Variants in HSD17B2 observed in about 807,000 individuals in gnomAD.
The protein encoded by HSD17B2 is 17-beta-hydroxysteroid dehydrogenase type 2.
HSD17B2 carries 32 observed loss-of-function variants against 26.9 expected under a neutral mutation model. The observed-to-expected ratio is 1.19, with a 90% CI of 0.90 to 1.60. HSD17B2 has a LOEUF of 1.60. HSD17B2 is among the 40% of genes most tolerant of loss of function. The pLI is 0.00. For synonymous variants in HSD17B2, 246 were observed against 186.7 expected (o/e 1.32, Z -2.59); for missense variants, 613 against 468.6 (o/e 1.31, Z -2.85).
intron 1 of HSD17B2, among the ~76,000 whole-genome samples, chr16:82,037,487 A>G (rs939745781): frequency 6.6e-6 from 1 of 152,218 alleles, no homozygotes; most frequent in Admixed American, 6.5e-5. Context: ...GTGGGGCAGG[A>G]CCAAAGAAAA....
At chr16:82,095,609 G>A (rs1210556838) in intron 4 of HSD17B2, 5 of 152,202 alleles carry the variant, frequency 3.3e-5, no homozygotes, top group Admixed American at 6.5e-5. Context: ...AAGTAAAAAC[G>A]AATAGGTGGT....
At chr16:82,062,761 G>A (rs1914475305) in intron 1 of HSD17B2, among the ~76,000 whole-genome samples, 1 of 152,240 alleles carries the variant, frequency 6.6e-6, no homozygotes, top group Non-Finnish European at 1.5e-5. Context: ...AAACACCACT[G>A]TTGGGTAACT....
intron 1 of HSD17B2, among the ~76,000 whole-genome samples, chr16:82,043,971 A>T (rs531729524): frequency 2.7e-4 from 41 of 152,312 alleles, no homozygotes; most frequent in Admixed American, 9.2e-4. Flanking sequence ...ATTATTTTGC[A>T]TGATTGCCCT....
At chr16:82,068,754 C>T (rs1013735773) in intron 2 of HSD17B2, among the ~76,000 whole-genome samples, 2 of 152,058 alleles carry the variant, frequency 1.3e-5, no homozygotes, top group Non-Finnish European at 2.9e-5. Context: ...TTACCCATTA[C>T]CCTTCCTCTT....
intron 1 of HSD17B2, among the ~76,000 whole-genome samples, chr16:82,058,770 T>C (rs1007531005): frequency 2.0e-5 from 3 of 152,152 alleles, no homozygotes; most frequent in African/African-American, 7.2e-5. Context: ...TAAGTTATGT[T>C]CCTATTAAAA....
At chr16:82,040,194 C>A (rs763142344) in intron 1 of HSD17B2, among the ~76,000 whole-genome samples, 1 of 152,124 alleles carries the variant, frequency 6.6e-6, no homozygotes, top group Non-Finnish European at 1.5e-5. Flanking sequence ...AAGTGTCTCA[C>A]GTGAGTGATC....
intron 1 of HSD17B2, among the ~76,000 whole-genome samples, chr16:82,044,841 G>C (rs1268537656): frequency 3.3e-5 from 5 of 152,124 alleles, no homozygotes; most frequent in Admixed American, 6.5e-5. Flanking sequence ...CTTCTGACTG[G>C]GCATGGTGGC....
At chr16:82,058,589 G>C (rs1567583113) in intron 1 of HSD17B2, among the ~76,000 whole-genome samples, 1 of 152,138 alleles carries the variant, frequency 6.6e-6, no homozygotes, top group African/African-American at 2.4e-5. Flanking sequence ...ATGGGCAAAA[G>C]TCATTAGGGC....
At chr16:82,043,010 C>T (rs1913809597) in intron 1 of HSD17B2, among the ~76,000 whole-genome samples, 1 of 152,236 alleles carries the variant, frequency 6.6e-6, no homozygotes, top group Non-Finnish European at 1.5e-5. Context: ...CTGGTTCCTG[C>T]AGAGAGGAGC....
intron 3 of HSD17B2, among the ~76,000 whole-genome samples, chr16:82,072,320 T>A (rs927376504): frequency 6.6e-6 from 1 of 152,186 alleles, no homozygotes; most frequent in Non-Finnish European, 1.5e-5. Flanking sequence ...GTAGTTCCAA[T>A]TTCCTGCTAC....
intron 3 of HSD17B2, among the ~76,000 whole-genome samples, chr16:82,076,843 G>A (rs903584851): frequency 1.2e-4 from 18 of 152,184 alleles, no homozygotes; most frequent in African/African-American, 4.3e-4. Context: ...CTCCCAAAAG[G>A]CTGGGATTAC....
At chr16:82,091,359 T>C (rs1008314419) in intron 4 of HSD17B2, 1 of 350,960 alleles carries the variant, frequency 2.8e-6, no homozygotes, top group Middle Eastern at 9.4e-4. Flanking sequence ...GGGCCAGCTG[T>C]GTCTGCCAGC....
chr16:82,096,636 T>C (rs1904847414), intron 4 of HSD17B2: 1 of 152,036 alleles, frequency 6.6e-6, no homozygotes, highest in South Asian at 2.1e-4. Flanking sequence ...TATTATATTG[T>C]AGACATTACA....
At chr16:82,054,048 A>C (rs1264298091) in intron 1 of HSD17B2, among the ~76,000 whole-genome samples, 1 of 152,106 alleles carries the variant, frequency 6.6e-6, no homozygotes, top group African/African-American at 2.4e-5. Flanking sequence ...CCATGCCTTC[A>C]ACAGCATGTC....
At chr16:82,043,684 C>CAAAAAAAAAAAA (rs398030034) in intron 1 of HSD17B2, among the ~76,000 whole-genome samples, 2 of 22,550 alleles carry the variant, frequency 8.9e-5, no homozygotes, top group African/African-American at 6.9e-4. Context: ...AACTCTGTCT[C>CAAAAAAAAAAAA]AAAAAAAAAA....
intron 1 of HSD17B2, among the ~76,000 whole-genome samples, chr16:82,064,211 C>A (rs954704757): frequency 2.0e-5 from 3 of 152,188 alleles, no homozygotes; most frequent in Non-Finnish European, 2.9e-5. Context: ...GACAAATTAT[C>A]CTCTACTCAA....
At chr16:82,047,328 A>G (rs1426438041) in intron 1 of HSD17B2, among the ~76,000 whole-genome samples, 2 of 152,232 alleles carry the variant, frequency 1.3e-5, no homozygotes, top group Non-Finnish European at 2.9e-5. Flanking sequence ...GAAGAGCTAG[A>G]GAAGAAGACA....
At chr16:82,049,345 G>A (rs1412379570) in intron 1 of HSD17B2, among the ~76,000 whole-genome samples, 1 of 152,192 alleles carries the variant, frequency 6.6e-6, no homozygotes, top group African/African-American at 2.4e-5. Flanking sequence ...GACCTCAAAT[G>A]TCAATAGCTC....
At chr16:82,046,884 G>A (rs974465526) in intron 1 of HSD17B2, among the ~76,000 whole-genome samples, 2 of 152,182 alleles carry the variant, frequency 1.3e-5, no homozygotes, top group African/African-American at 4.8e-5. Context: ...AATTGGCAGT[G>A]CTGGAATTCA....
Sources: allele counts gnomAD v4.1 joint callset (sites outside exome capture counted in the v4.1 genomes callset), GRCh38; gene constraint gnomAD v4.1.1; transcripts MANE v1.5; gene names NCBI Gene and HGNC (gene_info 2026-07-23, HGNC 2026-07-21).